The following BASP1 variants were observed in gnomAD, a reference collection of about 807,000 sequenced individuals.
BASP1 encodes the protein brain abundant membrane attached signal protein 1, also known as brain acid soluble protein 1.
BASP1 carries 1 observed loss-of-function variant against 2.2 expected under a neutral mutation model. That is an observed-to-expected ratio of 0.46 (90% confidence interval 0.16 to 2.17). BASP1 has a LOEUF of 2.17. Among genes scored for constraint, BASP1 ranks in the 30% most tolerant of loss-of-function variants. The pLI, the probability that BASP1 is intolerant of heterozygous loss-of-function variation, is 0.27. For missense variants in BASP1, 352 were observed against 327.2 expected, an observed-to-expected ratio of 1.08 and a Z score of -0.58; for synonymous variants, 187 against 154.2, an observed-to-expected ratio of 1.21 and a Z score of -1.58.
At chr5:17,220,757 A>G (rs944011396) in intron 1 of BASP1, among the ~76,000 whole-genome samples, 2 of 152,208 alleles carry the variant, frequency 1.3e-5, no homozygotes, top group Admixed American at 6.5e-5. Context: ...TCCTGGATTT[A>G]CTAGGATCCA....
intron 1 of BASP1, among the ~76,000 whole-genome samples, chr5:17,221,024 A>G (rs1375742196): frequency 2.0e-5 from 3 of 152,232 alleles, no homozygotes; most frequent in Non-Finnish European, 4.4e-5. Flanking sequence ...ATGTACACAT[A>G]CACATACTTG....
chr5:17,224,519 C>A (rs553922753), intron 1 of BASP1, among the ~76,000 whole-genome samples: 1 of 152,190 alleles, frequency 6.6e-6, no homozygotes, highest in South Asian at 2.1e-4. Context: ...TTGACATCTT[C>A]AGTATTAATT....
chr5:17,252,077 G>A (rs925952092), intron 1 of BASP1, among the ~76,000 whole-genome samples: 13 of 152,162 alleles, frequency 8.5e-5, no homozygotes, highest in Admixed American at 3.9e-4. Flanking sequence ...AGGAAGTCAT[G>A]GACAGAGGGC....
rs1407954874 is a variant in BASP1 at position 17,275,644 on chromosome 5, A to G, written c.428A>G (p.Lys143Arg). 6.6e-7 allele frequency: 1 copy of G among 1,524,776 alleles called. No individual in the cohort carries two copies. Among genetic ancestry groups the G allele is most frequent in the Non-Finnish European group, 8.8e-7 (1 of 1,137,744 alleles). The allele number at this position is 1,524,776 out of a possible 1,614,324, so 94.5% of individuals were successfully genotyped here. ...CCTGCCGCCGGGGAGGAGCCCAGCAAGGAGGAAGGGGAACCCAAAAAGACT... is the reference window on the plus strand; with the variant it reads ...CCTGCCGCCGGGGAGGAGCCCAGCAGGGAGGAAGGGGAACCCAAAAAGACT... ...AAPAAGEEPS[K>R]EEGEPKKTEA... The change falls in exon 2 of 2, where the codon AAG becomes AGG. Residue 143 changes from lysine to arginine, a missense_variant. Lys to Arg is a conservative substitution (Grantham distance 26). Transcript: ENST00000322611. This position sits in a 1 kb window ranked among gnomAD's most constrained non-coding sequence, Gnocchi z 5.3.
intron 1 of BASP1, among the ~76,000 whole-genome samples, chr5:17,250,218 A>T (rs1205267866): frequency 6.6e-6 from 1 of 152,188 alleles, no homozygotes; most frequent in Non-Finnish European, 1.5e-5. Flanking sequence ...AAGTGCTGGG[A>T]TGATAGGCGT....
chr5:17,275,777 C>A lies in BASP1; in HGVS notation c.561C>A (p.Pro187=), dbSNP rs1239803671. ...CTGCCCCCTCTTCCAAGGAGACCCC[C>A]GCAGCCACGGAAGCGCCTAGTTCCA... ...SEAAPSSKET[P]AATEAPSSTP... The change falls in exon 2 of 2, where the codon CCC becomes CCA. Residue 187 remains proline (P), a synonymous_variant. Coordinates refer to ENST00000322611, the MANE Select transcript of BASP1 (RefSeq NM_006317.5). The surrounding 1 kb of genome is among the most constrained non-coding windows in gnomAD (Gnocchi z 5.3). 2.5e-6 allele frequency: 4 copies of A among 1,613,066 alleles called. No individual in the cohort carries two copies. Among genetic ancestry groups the A allele is most frequent in the African/African-American group, 1.3e-5 (1 of 74,888 alleles).
At chr5:17,235,397 A>G (rs570280723) in intron 1 of BASP1, among the ~76,000 whole-genome samples, 9 of 151,112 alleles carry the variant, frequency 6.0e-5, no homozygotes, top group Non-Finnish European at 1.0e-4. Context: ...AGTAGCTGGG[A>G]TTACAGGTGC....
intron 1 of BASP1, among the ~76,000 whole-genome samples, chr5:17,227,488 G>A (rs1373769542): frequency 2.0e-5 from 3 of 151,902 alleles, no homozygotes; most frequent in African/African-American, 7.3e-5. Flanking sequence ...TGCAACCTCC[G>A]CCTCCCAGGT....
chr5:17,242,407 C>T (rs2126501349), intron 1 of BASP1, among the ~76,000 whole-genome samples: 1 of 151,968 alleles, frequency 6.6e-6, no homozygotes, highest in South Asian at 2.1e-4. Flanking sequence ...CTTGCGCCGC[C>T]CCCCACCCCA....
chr5:17,240,224 C>T (rs1380821998), intron 1 of BASP1, among the ~76,000 whole-genome samples: 6 of 152,168 alleles, frequency 3.9e-5, no homozygotes, highest in Admixed American at 3.9e-4. Context: ...TGCCACTGCA[C>T]TCCATCCTGG....
At chr5:17,245,671 TC>T (rs1739970213) in intron 1 of BASP1, among the ~76,000 whole-genome samples, 1 of 151,332 alleles carries the variant, frequency 6.6e-6, no homozygotes, top group Non-Finnish European at 1.5e-5. Flanking sequence ...AGGCAGAAAA[TC>T]TCAGTTTTTA....
At position 17,275,443 on chromosome 5, in the gene BASP1, C is replaced by A; in HGVS notation, c.227C>A (p.Ala76Glu). 2.0e-6 allele frequency: 3 copies of A among 1,524,494 alleles called. No homozygotes were observed. The highest frequency in any genetic ancestry group is 2.6e-6 in the Non-Finnish European group (3 of 1,137,222). 94.4% of individuals were successfully genotyped at this position (1,524,494 alleles called of 1,614,324 possible). ...AEEKEGEKDA[A>E]AAKEEAPKAE... The stretch of plus-strand genomic sequence containing the variant: ...GAGAAGGAGGGCGAGAAGGACGCGG[C>A]GGCTGCCAAGGAGGAGGCCCCGAAG... Residue 76 changes from alanine (A) to glutamate (E), a missense_variant, in exon 2 of 2, where the codon GCG (alanine) becomes GAG (glutamate). Coordinates refer to ENST00000322611, the MANE Select transcript of BASP1 (RefSeq NM_006317.5). This position sits in a 1 kb window ranked among gnomAD's most constrained non-coding sequence, Gnocchi z 5.3.
intron 1 of BASP1, among the ~76,000 whole-genome samples, chr5:17,230,900 G>A (rs752188141): frequency 2.6e-5 from 4 of 152,182 alleles, no homozygotes; most frequent in East Asian, 3.9e-4. Flanking sequence ...ACTTTTAGGC[G>A]TACCCTGTCA....
At chr5:17,254,111 C>T (rs1438701777) in intron 1 of BASP1, among the ~76,000 whole-genome samples, 1 of 151,876 alleles carries the variant, frequency 6.6e-6, no homozygotes, top group Non-Finnish European at 1.5e-5. Context: ...TATATTTTTT[C>T]TCAGAGAACA....
At position 17,275,450 on chromosome 5, in the gene BASP1, C is replaced by T. The variant is rs747596079; in HGVS notation, c.234C>T (p.Ala78=). The stretch of plus-strand genomic sequence containing the variant: ...AGGGCGAGAAGGACGCGGCGGCTGC[C>T]AAGGAGGAGGCCCCGAAGGCGGAGC... ...EKEGEKDAAA[A]KEEAPKAEPE... Residue 78 remains alanine, a synonymous_variant, in exon 2 of 2, where the codon GCC becomes GCT. Coordinates refer to ENST00000322611, the MANE Select transcript of BASP1 (RefSeq NM_006317.5). The surrounding 1 kb of genome is among the most constrained non-coding windows in gnomAD (Gnocchi z 5.3). The T allele has an allele frequency of 4.0e-6, 6 of 1,518,012 alleles. No individual in the cohort carries two copies. The highest frequency in any genetic ancestry group is 3.8e-5 in the South Asian group (3 of 79,662). The allele number at this position is 1,518,012 out of a possible 1,614,324, so 94.0% of individuals were successfully genotyped here.
intron 1 of BASP1, among the ~76,000 whole-genome samples, chr5:17,230,700 A>G (rs1371176859): frequency 6.6e-6 from 1 of 151,996 alleles, no homozygotes; most frequent in Admixed American, 6.6e-5. Context: ...AGTAGGTGGG[A>G]TTACAGGTGT....
intron 1 of BASP1, among the ~76,000 whole-genome samples, chr5:17,226,480 GA>G (rs1739508761): frequency 6.6e-6 from 1 of 152,170 alleles, no homozygotes; most frequent in African/African-American, 2.4e-5. Flanking sequence ...TCTAATGGGG[GA>G]AATAGTGTAT....
At chr5:17,262,671 G>A (rs1039554860) in intron 1 of BASP1, among the ~76,000 whole-genome samples, 3 of 152,014 alleles carry the variant, frequency 2.0e-5, no homozygotes, top group Non-Finnish European at 2.9e-5. Context: ...TCAACTAATC[G>A]TCATCTCTTC....
intron 1 of BASP1, among the ~76,000 whole-genome samples, chr5:17,242,841 C>A (rs1451110852): frequency 2.0e-5 from 3 of 149,536 alleles, no homozygotes; most frequent in Non-Finnish European, 3.0e-5. Context: ...AAAAAGTCAA[C>A]TCAGTTTAAA....
Sources: allele counts gnomAD v4.1 joint callset (sites outside exome capture counted in the v4.1 genomes callset), GRCh38; gene constraint gnomAD v4.1.1; non-coding constraint Gnocchi (gnomAD v3.1); transcripts MANE v1.5; gene names NCBI Gene and HGNC (gene_info 2026-07-23, HGNC 2026-07-21).